Variants in ABCB4 observed in about 807,000 individuals in gnomAD.
ABCB4 encodes the protein phosphatidylcholine translocator ABCB4.
ABCB4 carries 76 observed loss-of-function variants against 145.7 expected under a neutral mutation model. The ratio of observed to expected loss-of-function variants is 0.52; its 90% CI spans 0.43 to 0.63. ABCB4 has a LOEUF of 0.63. Among genes scored for constraint, ABCB4 ranks in the 30% least tolerant of loss-of-function variants. ABCB4 has a pLI of 0.00. For missense variants in ABCB4, 1,234 were observed against 1,553.1 expected, an observed-to-expected ratio of 0.79 and a Z score of 3.45; for synonymous variants, 517 against 566.8, an observed-to-expected ratio of 0.91 and a Z score of 1.25.
downstream of ABCB4, chr7:87,398,481 G>A (rs1246045111): frequency 6.2e-7 from 1 of 1,609,116 alleles, no homozygotes; most frequent in Non-Finnish European, 8.5e-7. Context: ...ATCACTATTT[G>A]GAGCCTTTTG....
the ABCB4 span, among the ~76,000 whole-genome samples, chr7:87,368,202 C>A: frequency 3.3e-5 from 5 of 152,182 alleles, no homozygotes; most frequent in South Asian, 2.1e-4. Context: ...ATTTACATGG[C>A]GTACTTTCTC....
chr7:87,432,428 A>G (rs1368711977), intron 14 of ABCB4, among the ~76,000 whole-genome samples: 1 of 152,236 alleles, frequency 6.6e-6, no homozygotes, highest in Non-Finnish European at 1.5e-5. Context: ...ATATAAATTA[A>G]AAATGAGAGG....
chr7:87,407,102 T>C (rs977141196), intron 25 of ABCB4, among the ~76,000 whole-genome samples: 4 of 152,232 alleles, frequency 2.6e-5, no homozygotes, highest in Non-Finnish European at 5.9e-5. Context: ...GTTTTTGTTT[T>C]ACTTGCTATA....
chr7:87,443,333 G>T lies in ABCB4; in HGVS notation c.1342C>A (p.Pro448Thr). Residue 448 changes from proline to threonine, a missense_variant, in exon 12 of 28, where the codon CCT (proline) becomes ACT (threonine). By Grantham distance (38) the Pro-to-Thr change is conservative. Coordinates refer to ENST00000649586, the MANE Select transcript of ABCB4 (RefSeq NM_000443.4). ...TVQLIQRLYD[P>T]DEGTINIDGQ... ...TTCCCACTTACTGTGCCCTCATCAGGGTCATAGAGCCTCTGTATCAGCTGG... is the reference window on the plus strand; with the variant it reads ...TTCCCACTTACTGTGCCCTCATCAGTGTCATAGAGCCTCTGTATCAGCTGG... The T allele has an allele frequency of 6.2e-7, 1 of 1,613,934 alleles. No individual in the cohort carries two copies. Among genetic ancestry groups the T allele is most frequent in the South Asian group, 1.1e-5 (1 of 91,088 alleles).
the ABCB4 span, among the ~76,000 whole-genome samples, chr7:87,386,240 G>A: frequency 6.6e-6 from 1 of 152,134 alleles, no homozygotes; most frequent in African/African-American, 2.4e-5. Flanking sequence ...AGTATAATTG[G>A]TATTAGTTCT....
Position 87,418,532 on chromosome 7 carries a change from C to T in ABCB4, c.2478+5G>A. The T allele has an allele frequency of 3.1e-6, 5 of 1,613,858 alleles. No homozygotes were observed. Among genetic ancestry groups the T allele is most frequent in the Non-Finnish European group, 4.2e-6 (5 of 1,179,742 alleles). On this transcript the variant is annotated splice_donor_5th_base_variant and intron_variant, in intron 20 of 27. Coordinates refer to ENST00000649586, the MANE Select transcript of ABCB4 (RefSeq NM_000443.4). ...AAAACTACAAGTAGAGTGCAGTCTA[C>T]CTACTCCTTGGACTTGGGCAGCATC...
chr7:87,449,387 T>C (rs1811554273), intron 8 of ABCB4, among the ~76,000 whole-genome samples: 1 of 152,110 alleles, frequency 6.6e-6, no homozygotes, highest in East Asian at 1.9e-4. Context: ...TTATTTTCCT[T>C]TGTAACCCTA....
intron 18 of ABCB4, among the ~76,000 whole-genome samples, chr7:87,421,478 A>G (rs1380893431): frequency 6.6e-6 from 1 of 152,210 alleles, no homozygotes; most frequent in Non-Finnish European, 1.5e-5. Flanking sequence ...AATGATTTCT[A>G]AATAAAAAAC....
intron 15 of ABCB4, among the ~76,000 whole-genome samples, chr7:87,427,658 A>G (rs1180411248): frequency 1.3e-5 from 2 of 152,178 alleles, no homozygotes; most frequent in Non-Finnish European, 2.9e-5. Flanking sequence ...TAGTCCTTGT[A>G]GTAGTGTCTT....
At chr7:87,464,822 T>C (rs1243091507) in intron 3 of ABCB4, among the ~76,000 whole-genome samples, 3 of 152,214 alleles carry the variant, frequency 2.0e-5, no homozygotes, top group Non-Finnish European at 2.9e-5. Flanking sequence ...TGTTCCTACA[T>C]TAAGGTTTGT....
At chr7:87,466,901 A>G (rs1297194813) in intron 3 of ABCB4, among the ~76,000 whole-genome samples, 1 of 152,214 alleles carries the variant, frequency 6.6e-6, no homozygotes, top group Non-Finnish European at 1.5e-5. Context: ...TGAAGGAAGC[A>G]CTAAACGTGG....
intron 16 of ABCB4, among the ~76,000 whole-genome samples, chr7:87,424,998 C>T (rs374381089): frequency 6.6e-6 from 1 of 151,882 alleles, no homozygotes; most frequent in East Asian, 1.9e-4. Flanking sequence ...GTAGGTTCTA[C>T]TGAGCCTTCT....
Position 87,417,645 on chromosome 7 carries a change from A to G in ABCB4, c.2479-130T>C, listed in dbSNP as rs1037590627. 26 of 759,200 alleles carry G rather than the reference A, an allele frequency of 3.4e-5. No individual in the cohort carries two copies. The East Asian group carries it at 6.4e-4, about 19-fold the overall frequency. The allele number at this position is 759,200 out of a possible 1,614,324, so 47.0% of individuals were successfully genotyped here. A position where few individuals can be genotyped will look rare whatever the true frequency, so the allele number is the denominator to read the frequency against. Reference sequence around the variant, plus strand: ...TACATTGGCTTACTTTCATTACAATAAACCCACAACACCTGTGCTTAACTC... The same window carrying G: ...TACATTGGCTTACTTTCATTACAATGAACCCACAACACCTGTGCTTAACTC... On this transcript the variant is annotated intron_variant, in intron 20 of 27. Transcript: ENST00000649586.
chr7:87,459,686 G>A (rs1197963041), intron 4 of ABCB4, among the ~76,000 whole-genome samples: 1 of 151,982 alleles, frequency 6.6e-6, no homozygotes, highest in Non-Finnish European at 1.5e-5. Context: ...CATTTTCAAA[G>A]CCACTCACTT....
At chr7:87,367,632 TCTGACTC>T in the ABCB4 span, among the ~76,000 whole-genome samples, 1 of 152,238 alleles carries the variant, frequency 6.6e-6, no homozygotes, top group Non-Finnish European at 1.5e-5. Flanking sequence ...GATGAACTCC[TCTGACTC>T]CTAAGGACAA....
At chr7:87,456,856 G>A (rs1562993043) in intron 4 of ABCB4, among the ~76,000 whole-genome samples, 1 of 151,962 alleles carries the variant, frequency 6.6e-6, no homozygotes, top group East Asian at 1.9e-4. Context: ...TGCTGCCTGG[G>A]ACAAAGGTGA....
chr7:87,442,665 C>A (rs943574174), intron 12 of ABCB4, among the ~76,000 whole-genome samples: 2 of 152,034 alleles, frequency 1.3e-5, no homozygotes, highest in Non-Finnish European at 2.9e-5. Context: ...TACACACACA[C>A]ACGGAGAAAG....
chr7:87,452,634 T>C, intron 6 of ABCB4: 1 of 403,938 alleles, frequency 2.5e-6, no homozygotes, highest in Middle Eastern at 7.1e-4. Flanking sequence ...CAATCATCTA[T>C]TCATTGATTC....
At chr7:87,367,067 A>G in the ABCB4 span, among the ~76,000 whole-genome samples, 1 of 152,192 alleles carries the variant, frequency 6.6e-6, no homozygotes, top group East Asian at 1.9e-4. Flanking sequence ...ATGGTCCCCC[A>G]TAGATGTCTA....
Sources: allele counts gnomAD v4.1 joint callset (sites outside exome capture counted in the v4.1 genomes callset), GRCh38; gene constraint gnomAD v4.1.1; transcripts MANE v1.5; gene names NCBI Gene and HGNC (gene_info 2026-07-23, HGNC 2026-07-21).